The following NELL1 variants were observed in gnomAD, a reference collection of about 807,000 sequenced individuals.
NELL1 encodes the protein neural EGFL like 1, also known as protein kinase C-binding protein NELL1.
A neutral mutation model predicts 107.4 loss-of-function variants in NELL1; 76 were observed. The observed-to-expected ratio is 0.71, with a 90% CI of 0.59 to 0.86. The LOEUF (loss-of-function observed/expected upper bound fraction) is 0.86, where lower values mean the gene tolerates loss of function less well. NELL1 is among the 40% of genes least tolerant of loss of function. NELL1 has a pLI of 0.00. For missense variants in NELL1, 1,024 were observed against 1,005.5 expected, an observed-to-expected ratio of 1.02 and a Z score of -0.25; for synonymous variants, 353 against 341.2, an observed-to-expected ratio of 1.03 and a Z score of -0.38.
In NELL1 at chr11:21,113,337, T is replaced by C. The variant is rs541627392; in HGVS notation, c.1301-252T>C. Among the ~76,000 whole-genome samples the C allele has an allele frequency of 5.3e-5, 8 of 152,146 alleles. No homozygotes were observed. The East Asian group carries it at 1.4e-3, about 26-fold the overall frequency. On this transcript the variant is annotated intron_variant, in intron 12 of 19. Coordinates refer to ENST00000357134, the MANE Select transcript of NELL1 (RefSeq NM_006157.5). Reference sequence around the variant, plus strand: ...CTCCTTGGTAAGAAACTAATAGTTGTAAATTCATTCTTCATACTTCTTGGG... The same window carrying C: ...CTCCTTGGTAAGAAACTAATAGTTGCAAATTCATTCTTCATACTTCTTGGG...
intron 13 of NELL1, among the ~76,000 whole-genome samples, chr11:21,198,402 G>A (rs918625230): frequency 1.3e-5 from 2 of 152,154 alleles, no homozygotes; most frequent in African/African-American, 4.8e-5. Context: ...ATGAAGGAGG[G>A]CAAGGTTACA....
chr11:20,943,592 C>A (rs986353368), intron 10 of NELL1, among the ~76,000 whole-genome samples: 7 of 151,746 alleles, frequency 4.6e-5, no homozygotes, highest in Middle Eastern at 3.4e-3. Context: ...AAAAAAAAAA[C>A]CCAACAAAAC....
At chr11:21,510,757 CTG>C (rs1855415324) in intron 15 of NELL1, among the ~76,000 whole-genome samples, 1 of 152,160 alleles carries the variant, frequency 6.6e-6, no homozygotes, top group African/African-American at 2.4e-5. Context: ...TTGGACCACT[CTG>C]TGCATGATCT....
intron 12 of NELL1, among the ~76,000 whole-genome samples, chr11:21,039,359 T>C (rs1019441423): frequency 1.3e-5 from 2 of 152,094 alleles, no homozygotes; most frequent in African/African-American, 4.8e-5. Flanking sequence ...CTAATTTTTG[T>C]ATTTTGAGTA....
At chr11:21,030,622 A>ATTTTTTTTTTTTTTTTTTTTTTTTT (rs201033870) in intron 12 of NELL1, among the ~76,000 whole-genome samples, 2 of 120,124 alleles carry the variant, frequency 1.7e-5, no homozygotes, top group African/African-American at 2.9e-5. Context: ...ATTTTCTTGT[A>ATTTTTTTTTTTTTTTTTTTTTTTTT]TTTTTTTTTT....
At chr11:21,189,571 A>G (rs946041899) in intron 13 of NELL1, among the ~76,000 whole-genome samples, 2 of 151,768 alleles carry the variant, frequency 1.3e-5, no homozygotes, top group Non-Finnish European at 2.9e-5. Context: ...TATATTATAG[A>G]GAGAATATCT....
intron 15 of NELL1, among the ~76,000 whole-genome samples, chr11:21,512,312 T>C (rs1855457017): frequency 6.6e-6 from 1 of 152,136 alleles, no homozygotes; most frequent in African/African-American, 2.4e-5. Flanking sequence ...CTCTGTTAGA[T>C]AATTAGGACA....
chr11:21,476,774 A>T (rs1223040408), intron 15 of NELL1, among the ~76,000 whole-genome samples: 1 of 152,140 alleles, frequency 6.6e-6, no homozygotes, highest in Non-Finnish European at 1.5e-5. Context: ...GTGCAAAGAG[A>T]GAATTTGAAT....
intron 15 of NELL1, among the ~76,000 whole-genome samples, chr11:21,507,495 C>G (rs1265192187): frequency 6.6e-6 from 1 of 152,092 alleles, no homozygotes; most frequent in African/African-American, 2.4e-5. Context: ...ATGTCCAAGC[C>G]TTTAGAAAAT....
intron 12 of NELL1, among the ~76,000 whole-genome samples, chr11:21,039,206 A>T (rs923632070): frequency 1.3e-5 from 2 of 151,928 alleles, no homozygotes; most frequent in African/African-American, 4.8e-5. Flanking sequence ...TCTCCGAGAC[A>T]GAGTCTTGCT....
intron 3 of NELL1, among the ~76,000 whole-genome samples, chr11:20,786,205 C>T (rs1207170762): frequency 6.6e-6 from 1 of 151,790 alleles, no homozygotes; most frequent in Admixed American, 6.6e-5. Flanking sequence ...CAAAAATTAG[C>T]TGGGTGTGGT....
chr11:21,276,136 G>C (rs1197374342), intron 14 of NELL1, among the ~76,000 whole-genome samples: 1 of 152,150 alleles, frequency 6.6e-6, no homozygotes, highest in Non-Finnish European at 1.5e-5. Flanking sequence ...TGACATGATT[G>C]TATATTTAGA....
At chr11:20,818,332 A>T (rs949258866) in intron 3 of NELL1, among the ~76,000 whole-genome samples, 4 of 149,564 alleles carry the variant, frequency 2.7e-5, no homozygotes, top group African/African-American at 9.9e-5. Flanking sequence ...AGCATACGTA[A>T]CGTCTTTCTT....
intron 10 of NELL1, among the ~76,000 whole-genome samples, chr11:20,943,949 A>G (rs1294359207): frequency 6.6e-6 from 1 of 152,206 alleles, no homozygotes; most frequent in Non-Finnish European, 1.5e-5. Context: ...AGGCCATGGA[A>G]GAGCTTTGGG....
chr11:21,109,170 A>T (rs1269573912), intron 12 of NELL1, among the ~76,000 whole-genome samples: 1 of 152,068 alleles, frequency 6.6e-6, no homozygotes, highest in African/African-American at 2.4e-5. Context: ...GAAGGATGAG[A>T]TGCTCCATAT....
intron 15 of NELL1, among the ~76,000 whole-genome samples, chr11:21,500,709 A>G (rs1855116388): frequency 6.6e-6 from 1 of 152,090 alleles, no homozygotes; most frequent in Admixed American, 6.5e-5. Flanking sequence ...TTTAGTGTTG[A>G]TGGAAAGTGT....
intron 15 of NELL1, among the ~76,000 whole-genome samples, chr11:21,396,033 G>C (rs557031275): frequency 9.9e-5 from 15 of 151,642 alleles, no homozygotes; most frequent in African/African-American, 3.4e-4. Flanking sequence ...TGCAACTTCT[G>C]GCTGAGGCAG....
intron 3 of NELL1, among the ~76,000 whole-genome samples, chr11:20,832,912 G>C (rs901262413): frequency 6.6e-6 from 1 of 152,150 alleles, no homozygotes. Flanking sequence ...AGGAACAAAG[G>C]AGGGTTCCAT....
At chr11:21,450,500 C>A (rs1853550604) in intron 15 of NELL1, among the ~76,000 whole-genome samples, 1 of 152,014 alleles carries the variant, frequency 6.6e-6, no homozygotes, top group Admixed American at 6.5e-5. Flanking sequence ...AATTGATACG[C>A]CATATGATGA....
Sources: gnomAD v4.1 joint callset for allele counts (sites outside exome capture counted in the v4.1 genomes callset) on GRCh38, gnomAD v4.1.1 for gene constraint, MANE v1.5 for transcripts, NCBI Gene and HGNC (gene_info 2026-07-23, HGNC 2026-07-21) for gene names.